Variants in EXT2 observed in about 807,000 individuals in gnomAD.
The protein encoded by EXT2 is exostosin-2.
EXT2 carries 53 observed loss-of-function variants against 81.6 expected under a neutral mutation model. That is an observed-to-expected ratio of 0.65 (90% CI 0.52 to 0.82). The LOEUF is 0.82. Ranked by LOEUF, EXT2 falls within the 40% of genes least tolerant of loss-of-function variation. The probability of loss-of-function intolerance (pLI) is 0.00; values close to 1 mark genes in which losing one functional copy is unlikely to be tolerated. For missense variants in EXT2, 774 were observed against 910.2 expected, an observed-to-expected ratio of 0.85 and a Z score of 1.93; for synonymous variants, 320 against 340.0, an observed-to-expected ratio of 0.94 and a Z score of 0.65.
intron 9 of EXT2, among the ~76,000 whole-genome samples, chr11:44,200,695 C>T (rs1955512559): frequency 6.6e-6 from 1 of 152,140 alleles, no homozygotes. Context: ...ACCAGCTGTA[C>T]ACCAGCAACT....
chr11:44,170,957 G>A (rs1422582762), intron 7 of EXT2, among the ~76,000 whole-genome samples: 4 of 152,054 alleles, frequency 2.6e-5, no homozygotes, highest in African/African-American at 9.6e-5. Flanking sequence ...AAAAGTTCTC[G>A]AAGAACAGAA....
chr11:44,147,706 G>A (rs12795970), intron 7 of EXT2, among the ~76,000 whole-genome samples: 3,754 of 135,654 alleles, frequency 0.028, 62 homozygotes, highest in Middle Eastern at 0.041. Context: ...GACTACAGGC[G>A]CCTGCCACCA....
rs552845004 is a variant in EXT2 at position 44,226,851 on chromosome 11, G to A, written c.1663-5502G>A. ...TCATAGAGCTCTGTTGCACTTTAATGGTTAAGGATTGACCAAACTCAGGCA... is the reference window on the plus strand; with the variant it reads ...TCATAGAGCTCTGTTGCACTTTAATAGTTAAGGATTGACCAAACTCAGGCA... On this transcript the variant is annotated intron_variant, in intron 10 of 13. Transcript: ENST00000533608. Among the ~76,000 whole-genome samples the A allele has an allele frequency of 1.3e-4, 20 of 152,372 alleles. No individual in the cohort carries two copies. The South Asian group carries it at 4.1e-3, about 32-fold the overall frequency.
At position 44,130,046 on chromosome 11, in the gene EXT2, G is replaced by C. The variant is rs1404043321; in HGVS notation, c.1081G>C (p.Ala361Pro). The C allele has an allele frequency of 6.2e-7, 1 of 1,613,408 alleles. No individual in the cohort carries two copies. Among genetic ancestry groups the C allele is most frequent in the Non-Finnish European group, 8.5e-7 (1 of 1,179,454 alleles). The change falls in exon 7 of 14, where the codon GCA becomes CCA. Residue 361 changes from alanine to proline, a missense_variant and splice_region_variant. By Grantham distance (27) the Ala-to-Pro change is conservative. Transcript: ENST00000533608. ...AAACTGTTTTGCTGTTGTCTCCAGA[G>C]CATCTGTGGTTGTACCAGAAGAAAA... ...PFSEVLDWKR[A>P]SVVVPEEKMS...
chr11:44,146,952 G>A (rs1484056233), intron 7 of EXT2, among the ~76,000 whole-genome samples: 2 of 152,190 alleles, frequency 1.3e-5, no homozygotes, highest in East Asian at 3.9e-4. Context: ...TCATTCTTAC[G>A]CTTACATCAC....
In EXT2 at chr11:44,119,124, T is replaced by TTATATATA. The variant is rs200249806; in HGVS notation, c.743+4862_743+4869dup. ...TGTCCCCCAGGGGACATTTGGCTATTTATATATATATATATATATATATAT... is the reference window on the plus strand; with the variant it reads ...TGTCCCCCAGGGGACATTTGGCTATTTATATATATATATATATATATATATATATATAT... On this transcript the variant is annotated intron_variant, in intron 4 of 13. Coordinates refer to ENST00000533608, the MANE Select transcript of EXT2 (RefSeq NM_207122.2). Among the ~76,000 whole-genome samples, 141 of 25,566 alleles carry TTATATATA rather than the reference T, an allele frequency of 5.5e-3. 1 individual carries two copies. The highest frequency in any genetic ancestry group is 8.2e-3 in the Non-Finnish European group (68 of 8,278). The allele number at this position is 25,566 out of a possible 152,430, so 16.8% of individuals were successfully genotyped here.
chr11:44,241,383 G>A (rs180812779), intron 13 of EXT2, among the ~76,000 whole-genome samples: 262 of 152,218 alleles, frequency 1.7e-3, no homozygotes, highest in Non-Finnish European at 3.0e-3. Context: ...TACCTTATCC[G>A]AACTTCAATC....
intron 9 of EXT2, among the ~76,000 whole-genome samples, chr11:44,201,471 ATT>A (rs1436750283): frequency 6.6e-6 from 1 of 152,188 alleles, no homozygotes; most frequent in Admixed American, 6.5e-5. Context: ...TGTTATTCCC[ATT>A]TTACAAAAAT....
intron 7 of EXT2, among the ~76,000 whole-genome samples, chr11:44,135,629 C>A (rs1167177194): frequency 6.6e-6 from 1 of 152,058 alleles, no homozygotes; most frequent in Non-Finnish European, 1.5e-5. Flanking sequence ...TGACCTCAAG[C>A]AATCAGCCCT....
At chr11:44,114,075 C>T (rs141791665) in intron 3 of EXT2, 110 bp from the exon 4 acceptor site, 527 of 976,264 alleles carry the variant, frequency 5.4e-4, no homozygotes, top group Non-Finnish European at 7.8e-4. Flanking sequence ...ACTCTGTAAA[C>T]GTTAGCTGGT....
intron 13 of EXT2, among the ~76,000 whole-genome samples, chr11:44,238,091 A>G (rs992164491): frequency 2.6e-5 from 4 of 152,122 alleles, no homozygotes; most frequent in African/African-American, 9.7e-5. Flanking sequence ...CTCCATCTCA[A>G]AAGAAAAAAA....
At position 44,126,956 on chromosome 11, in the gene EXT2, G is replaced by T. The variant is rs1369420640; in HGVS notation, c.1079+1G>T. On this transcript the variant is annotated splice_donor_variant, in intron 6 of 13. Coordinates refer to ENST00000533608, the MANE Select transcript of EXT2 (RefSeq NM_207122.2). LOFTEE classifies it high-confidence loss of function. ...TCTCTGAAGTTCTTGACTGGAAGAG[G>T]TGGGTAGTACCTCCTAGTAAACTCT... 1 of 1,614,178 alleles carries T rather than the reference G, an allele frequency of 6.2e-7. No homozygotes were observed.
intron 8 of EXT2, among the ~76,000 whole-genome samples, chr11:44,195,481 G>C (rs1955445178): frequency 6.6e-6 from 1 of 152,002 alleles, no homozygotes; most frequent in African/African-American, 2.4e-5. Context: ...GTGTCTCTTG[G>C]TTGTGAAATC....
chr11:44,234,551 A>C (rs1215534065), intron 12 of EXT2, among the ~76,000 whole-genome samples: 1 of 151,640 alleles, frequency 6.6e-6, no homozygotes, highest in Non-Finnish European at 1.5e-5. Flanking sequence ...TATGGGTTCT[A>C]GTTCTTTTAG....
At chr11:44,101,211 C>T (rs1953977073) in intron 1 of EXT2, among the ~76,000 whole-genome samples, 2 of 152,176 alleles carry the variant, frequency 1.3e-5, no homozygotes, top group South Asian at 2.1e-4. Context: ...TGAGCATTCT[C>T]TCATGATTCA....
chr11:44,233,019 A>T (rs77847736), intron 11 of EXT2, among the ~76,000 whole-genome samples: 2,124 of 152,322 alleles, frequency 0.014, 60 homozygotes, highest in African/African-American at 0.049. Flanking sequence ...TGTTAGTGAT[A>T]GATGTCCATT....
intron 7 of EXT2, among the ~76,000 whole-genome samples, chr11:44,156,677 G>C (rs754247970): frequency 6.6e-6 from 1 of 152,168 alleles, no homozygotes; most frequent in African/African-American, 2.4e-5. Context: ...TGAATTCTCT[G>C]TCTGAAAGGT....
At chr11:44,213,524 AAGAC>A (rs1279698417) in intron 10 of EXT2, among the ~76,000 whole-genome samples, 2 of 152,234 alleles carry the variant, frequency 1.3e-5, no homozygotes, top group Non-Finnish European at 2.9e-5. Flanking sequence ...TTTCAGTAAA[AAGAC>A]AGAAGATATA....
At chr11:44,178,296 A>G (rs1469605488) in intron 8 of EXT2, among the ~76,000 whole-genome samples, 2 of 152,172 alleles carry the variant, frequency 1.3e-5, no homozygotes, top group African/African-American at 2.4e-5. Flanking sequence ...AGTGTTGGAT[A>G]TTGATGCTGC....
Sources: gnomAD v4.1 joint callset for allele counts (sites outside exome capture counted in the v4.1 genomes callset) on GRCh38, gnomAD v4.1.1 for gene constraint, MANE v1.5 for transcripts, NCBI Gene and HGNC (gene_info 2026-07-23, HGNC 2026-07-21) for gene names.